Variants in PPP1CB observed in about 807,000 individuals in gnomAD.
PPP1CB encodes serine/threonine-protein phosphatase PP1-beta catalytic subunit.
A neutral mutation model predicts 43.7 loss-of-function variants in PPP1CB; 2 were observed. The ratio of observed to expected loss-of-function variants is 0.05; its 90% CI spans 0.02 to 0.14. The LOEUF (loss-of-function observed/expected upper bound fraction) is 0.14. PPP1CB is among the 10% of genes least tolerant of loss of function. The pLI is 1.00. For missense variants in PPP1CB, 84 were observed against 398.0 expected (o/e 0.21, Z 6.71); for synonymous variants, 136 against 135.6 (o/e 1.00, Z -0.02).
intron 7 of PPP1CB, among the ~76,000 whole-genome samples, chr2:28,794,655 C>T (rs1279208177): frequency 6.6e-6 from 1 of 151,992 alleles, no homozygotes; most frequent in Non-Finnish European, 1.5e-5. Flanking sequence ...TGCACCACTG[C>T]ACGCTAGCCT....
intron 3 of PPP1CB, among the ~76,000 whole-genome samples, chr2:28,780,761 A>AT (rs1250950162): frequency 6.6e-6 from 1 of 152,200 alleles, no homozygotes; most frequent in Non-Finnish European, 1.5e-5. Flanking sequence ...GTTGTACCTT[A>AT]TTACCAAATT....
intron 1 of PPP1CB, among the ~76,000 whole-genome samples, chr2:28,768,820 C>G (rs1376228024): frequency 6.6e-6 from 1 of 151,564 alleles, no homozygotes; most frequent in Non-Finnish European, 1.5e-5. Flanking sequence ...TAGAAATTAT[C>G]TAGTGCTGAC....
At chr2:28,786,628 C>A (rs1380409366) in intron 5 of PPP1CB, among the ~76,000 whole-genome samples, 14 of 151,652 alleles carry the variant, frequency 9.2e-5, no homozygotes, top group Non-Finnish European at 1.6e-4. Context: ...ACTAAAAATT[C>A]GCTGGGTGTG....
chr2:28,790,160 G>A (rs188885978), intron 6 of PPP1CB, among the ~76,000 whole-genome samples: 66 of 152,088 alleles, frequency 4.3e-4, no homozygotes, highest in African/African-American at 1.5e-3. Context: ...TGCACCTGTA[G>A]TCCCAGCTTG....
At chr2:28,780,267 T>C (rs941586803) in intron 3 of PPP1CB, among the ~76,000 whole-genome samples, 2 of 151,918 alleles carry the variant, frequency 1.3e-5, no homozygotes, top group Non-Finnish European at 2.9e-5. Context: ...TTTGTATATT[T>C]AGTAGTAGAG....
chr2:28,763,061 G>GTT (rs1240343946), intron 1 of PPP1CB, among the ~76,000 whole-genome samples: 1 of 152,184 alleles, frequency 6.6e-6, no homozygotes, highest in African/African-American at 2.4e-5. Flanking sequence ...TAGTTTGTCA[G>GTT]TTAATACTTT....
intron 5 of PPP1CB, among the ~76,000 whole-genome samples, chr2:28,787,407 A>T (rs1667294003): frequency 6.6e-6 from 1 of 152,154 alleles, no homozygotes; most frequent in African/African-American, 2.4e-5. Flanking sequence ...TGCAGTGAGC[A>T]GAGATTGCAC....
At chr2:28,760,125 G>A (rs1358434243) in intron 1 of PPP1CB, among the ~76,000 whole-genome samples, 1 of 152,064 alleles carries the variant, frequency 6.6e-6, no homozygotes, top group Non-Finnish European at 1.5e-5. Flanking sequence ...TAATGTGTGT[G>A]TATATGGCTT....
At chr2:28,753,570 C>G (rs1417290856) in intron 1 of PPP1CB, among the ~76,000 whole-genome samples, 2 of 152,158 alleles carry the variant, frequency 1.3e-5, no homozygotes, top group African/African-American at 2.4e-5. Context: ...GTGTTCACTA[C>G]CTAAGACTTT....
At chr2:28,771,329 G>T (rs1666909226) in intron 1 of PPP1CB, among the ~76,000 whole-genome samples, 1 of 152,074 alleles carries the variant, frequency 6.6e-6, no homozygotes, top group Admixed American at 6.6e-5. Context: ...GGGATTACAG[G>T]CATGAGCCAC....
chr2:28,798,105 G>A (rs1347048571), intron 7 of PPP1CB, among the ~76,000 whole-genome samples: 1 of 152,034 alleles, frequency 6.6e-6, no homozygotes, highest in Non-Finnish European at 1.5e-5. Flanking sequence ...CTTCACTAAG[G>A]CACTATTATG....
At chr2:28,791,089 G>A (rs989152161) in intron 6 of PPP1CB, among the ~76,000 whole-genome samples, 13 of 152,146 alleles carry the variant, frequency 8.5e-5, no homozygotes, top group South Asian at 2.1e-4. Flanking sequence ...TAATAAAAGC[G>A]TATTTAATTA....
chr2:28,770,588 AAAAGGAAAG>A (rs1666885500), intron 1 of PPP1CB, among the ~76,000 whole-genome samples: 1 of 152,156 alleles, frequency 6.6e-6, no homozygotes, highest in Non-Finnish European at 1.5e-5. Flanking sequence ...GTCTAAAACT[AAAAGGAAAG>A]GTTGACAACT....
At position 28,802,335 on chromosome 2, in the gene PPP1CB, A is replaced by C. The variant is rs1667637181; in HGVS notation, c.*3032A>C. On this transcript the variant is annotated 3_prime_UTR_variant, in exon 8 of 8. Coordinates refer to ENST00000395366, the MANE Select transcript of PPP1CB (RefSeq NM_002709.3). ...AAATTGTTTTTACATCTTTATGCTG[A>C]AAATGTGTTTAGATTAGGAATATGG... is the stretch of plus-strand genomic sequence containing the variant. 1.3e-5 allele frequency: 2 copies of C among 152,194 alleles called. No homozygotes were observed. Among genetic ancestry groups the C allele is most frequent in the South Asian group, 4.1e-4 (2 of 4,832 alleles). The allele number at this position is 152,194 out of a possible 1,614,324, so 9.4% of individuals were successfully genotyped here.
At chr2:28,766,248 CAA>C (rs1200427842) in intron 1 of PPP1CB, among the ~76,000 whole-genome samples, 1 of 152,174 alleles carries the variant, frequency 6.6e-6, no homozygotes, top group Non-Finnish European at 1.5e-5. Context: ...GCTAAGCCAT[CAA>C]AATCCTGTGT....
At chr2:28,791,950 A>G (rs1470666552) in intron 6 of PPP1CB, among the ~76,000 whole-genome samples, 1 of 152,236 alleles carries the variant, frequency 6.6e-6, no homozygotes, top group Non-Finnish European at 1.5e-5. Flanking sequence ...GAAAGAATGA[A>G]CAAGTAAGCA....
chr2:28,784,418 A>G (rs1026369420), intron 5 of PPP1CB, among the ~76,000 whole-genome samples: 7 of 152,098 alleles, frequency 4.6e-5, no homozygotes, highest in Non-Finnish European at 1.0e-4. Context: ...CCTCTATTTG[A>G]AATTTTTAGA....
At chr2:28,792,480 C>T (rs1174176471) in intron 6 of PPP1CB, among the ~76,000 whole-genome samples, 1 of 152,128 alleles carries the variant, frequency 6.6e-6, no homozygotes, top group African/African-American at 2.4e-5. Context: ...CAAGATTGCA[C>T]CACTACACTC....
At chr2:28,770,927 A>G (rs968107398) in intron 1 of PPP1CB, among the ~76,000 whole-genome samples, 1 of 151,986 alleles carries the variant, frequency 6.6e-6, no homozygotes, top group Admixed American at 6.6e-5. Flanking sequence ...ATACTAGAGT[A>G]TATAACATTG....
Sources: allele counts gnomAD v4.1 joint callset (sites outside exome capture counted in the v4.1 genomes callset), GRCh38; gene constraint gnomAD v4.1.1; transcripts MANE v1.5; gene names NCBI Gene and HGNC (gene_info 2026-07-23, HGNC 2026-07-21).